The following KIAA1671 variants were observed in gnomAD, a reference collection of about 807,000 sequenced individuals.
The protein encoded by KIAA1671 is KIAA1671.
In KIAA1671, 52 loss-of-function variants were observed where a neutral mutation model predicts 131.2. The ratio of observed to expected loss-of-function variants is 0.40; its 90% CI spans 0.32 to 0.50. The LOEUF is 0.50. Among genes scored for constraint, KIAA1671 ranks in the 20% least tolerant of loss-of-function variants. The pLI, the probability that KIAA1671 is intolerant of heterozygous loss-of-function variation, is 0.73. For missense variants in KIAA1671, 2,360 were observed against 2,364.2 expected, an observed-to-expected ratio of 1.00 and a Z score of 0.04; for synonymous variants, 1,003 against 961.6, an observed-to-expected ratio of 1.04 and a Z score of -0.80.
In KIAA1671 at chr22:25,026,554, A is replaced by C. The variant is rs1391393876; in HGVS notation, c.-56+770A>C. ...GAGACCAGCCTGGCCAACATGGAGA[A>C]ACCCCACCTCTACTAAAACCACAAA... On this transcript the variant is annotated intron_variant, in intron 2 of 12. Coordinates refer to ENST00000358431, the MANE Select transcript of KIAA1671 (RefSeq NM_001145206.2). Among the ~76,000 whole-genome samples the C allele has an allele frequency of 5.9e-5, 9 of 152,220 alleles. 1 individual carries two copies. The highest frequency in any genetic ancestry group is 2.2e-4 in the African/African-American group (9 of 41,548).
chr22:25,137,213 G>A (rs1932715206), intron 6 of KIAA1671, among the ~76,000 whole-genome samples: 1 of 152,180 alleles, frequency 6.6e-6, no homozygotes, highest in Non-Finnish European at 1.5e-5. Context: ...CTGACTTTCT[G>A]ATTTCATCTT....
Position 25,174,395 on chromosome 22 carries a change from C to G in KIAA1671, c.4805C>G (p.Ser1602Cys), listed in dbSNP as rs1226329928. 6.4e-7 allele frequency: 1 copy of G among 1,551,912 alleles called. No individual in the cohort carries two copies. Among genetic ancestry groups the G allele is most frequent in the Non-Finnish European group, 8.7e-7 (1 of 1,147,018 alleles). ...RDQRSTSVDH[S>C]STDLESTDGM... Reference sequence around the variant, plus strand: ...CAGCGGAGCACCAGCGTGGACCACTCCAGCACTGACCTGGAATCCACCGAT... The same window carrying G: ...CAGCGGAGCACCAGCGTGGACCACTGCAGCACTGACCTGGAATCCACCGAT... The change falls in exon 8 of 13, where the codon TCC becomes TGC. Residue 1602 changes from serine (S) to cysteine (C), a missense_variant. Physicochemically the swap from Ser to Cys is moderately radical, Grantham distance 112. Around this residue, in one of 3 missense-constraint regions of KIAA1671, gnomAD observed 1,161 missense variants for 1,204.7 expected, o/e 0.96. Coordinates refer to ENST00000358431, the MANE Select transcript of KIAA1671 (RefSeq NM_001145206.2).
intron 1 of KIAA1671, among the ~76,000 whole-genome samples, chr22:24,955,958 G>A (rs1286263088): frequency 6.6e-6 from 1 of 150,794 alleles, no homozygotes; most frequent in Non-Finnish European, 1.5e-5. Context: ...CGGGGAGGCG[G>A]AGCTTGCAGT....
rs767198331 is a variant in KIAA1671, at chr22:25,197,185, C to T, written c.*4784C>T. Reference sequence around the variant, plus strand: ...CACTTTATCCAGTCCCAGAAAGAATCTCTAACCGTGTGACTGAGAAGTCAT... The same window carrying T: ...CACTTTATCCAGTCCCAGAAAGAATTTCTAACCGTGTGACTGAGAAGTCAT... On this transcript the variant is annotated 3_prime_UTR_variant, in exon 13 of 13. Transcript: ENST00000358431. 3 of 152,194 alleles carry T rather than the reference C, an allele frequency of 2.0e-5. No homozygotes were observed. The highest frequency in any genetic ancestry group is 2.9e-5 in the Non-Finnish European group (2 of 68,040). The allele number at this position is 152,194 out of a possible 1,614,324, so 9.4% of individuals were successfully genotyped here.
chr22:25,084,284 G>A (rs1379537463), intron 6 of KIAA1671, among the ~76,000 whole-genome samples: 1 of 152,020 alleles, frequency 6.6e-6, no homozygotes, highest in African/African-American at 2.4e-5. Context: ...GAAACCACCT[G>A]GCCAACATGG....
intron 1 of KIAA1671, among the ~76,000 whole-genome samples, chr22:24,959,426 G>A (rs980734032): frequency 1.3e-5 from 2 of 152,078 alleles, no homozygotes; most frequent in African/African-American, 4.8e-5. Flanking sequence ...AGGAGGCTGA[G>A]GCATGAGAAT....
chr22:24,963,583 G>A (rs910480088), intron 1 of KIAA1671, among the ~76,000 whole-genome samples: 1 of 151,984 alleles, frequency 6.6e-6, no homozygotes, highest in Non-Finnish European at 1.5e-5. Flanking sequence ...GTCATTGGTG[G>A]TGAGAAACGG....
At chr22:24,986,200 A>G (rs1923523210) in intron 1 of KIAA1671, among the ~76,000 whole-genome samples, 1 of 151,848 alleles carries the variant, frequency 6.6e-6, no homozygotes, top group Admixed American at 6.6e-5. Flanking sequence ...CTGGTTTGTG[A>G]CTCTGGAGGG....
chr22:24,981,062 CTGTG>C lies in KIAA1671; in HGVS notation c.-208+28314_-208+28317del, dbSNP rs35906863. Among the ~76,000 whole-genome samples, 533 of 148,876 alleles carry C rather than the reference CTGTG, an allele frequency of 3.6e-3. 4 individuals are homozygous for C. The highest frequency in any genetic ancestry group is 0.012 in the African/African-American group (481 of 40,540). ...ATGCCCGGCCAACACTTGTTATTTTCTGTGTGTGTGTGTGTGTGTGTGTGTGTTT... is the reference window on the plus strand; with the variant it reads ...ATGCCCGGCCAACACTTGTTATTTTCTGTGTGTGTGTGTGTGTGTGTGTTT... On this transcript the variant is annotated intron_variant, in intron 1 of 12. Coordinates refer to ENST00000358431, the MANE Select transcript of KIAA1671 (RefSeq NM_001145206.2).
chr22:25,104,323 G>A (rs1441366437), intron 6 of KIAA1671, among the ~76,000 whole-genome samples: 1 of 152,150 alleles, frequency 6.6e-6, no homozygotes, highest in Non-Finnish European at 1.5e-5. Context: ...CTTAGTCTAG[G>A]ATGCACAGTC....
intron 1 of KIAA1671, among the ~76,000 whole-genome samples, chr22:24,971,906 G>A (rs981331793): frequency 2.0e-5 from 3 of 152,136 alleles, no homozygotes; most frequent in Non-Finnish European, 4.4e-5. Context: ...TGAACTTGGG[G>A]GTTTCATGTT....
At position 25,039,642 on chromosome 22, in the gene KIAA1671, A is replaced by T. The variant is rs1926804200; in HGVS notation, c.2512A>T (p.Ser838Cys). 2 of 1,546,346 alleles carry T rather than the reference A, an allele frequency of 1.3e-6. No individual in the cohort carries two copies. The highest frequency in any genetic ancestry group is 2.7e-5 in the African/African-American group (2 of 73,114). Residue 838 changes from serine to cysteine, a missense_variant, in exon 5 of 13, where the codon AGC (serine) becomes TGC (cysteine). By Grantham distance (112) the Ser-to-Cys change is moderately radical. This residue lies in a region of KIAA1671 where 1,185 missense variants were observed against 1,126.2 expected (regional missense o/e 1.05). Transcript: ENST00000358431. ...CTCGCACAAAGCCACCGTGGCAGTC[A>T]GCGAAGAGCACTGTGCTCCCGGGGC... is the stretch of plus-strand genomic sequence containing the variant. ...VSSHKATVAVSEEHCAPGATS... is the reference protein window; with the variant it reads ...VSSHKATVAVCEEHCAPGATS...
chr22:25,028,805 C>T lies in KIAA1671; in HGVS notation c.806C>T (p.Pro269Leu). 1 of 1,551,152 alleles carries T rather than the reference C, an allele frequency of 6.4e-7. No individual in the cohort carries two copies. The change falls in exon 3 of 13, where the codon CCC becomes CTC. Residue 269 changes from proline (P) to leucine (L), a missense_variant. By Grantham distance (98) the Pro-to-Leu change is moderately conservative. Transcript: ENST00000358431. ...GCGGCCACAGTGGGCAAAGTGCCAC[C>T]CACCCCTCCCGAGAAGACGTGGGTG... Reference protein sequence around the residue: ...GAAATVGKVPPTPPEKTWVRK... With the variant: ...GAAATVGKVPLTPPEKTWVRK...
intron 1 of KIAA1671, among the ~76,000 whole-genome samples, chr22:25,009,343 C>T (rs1264291707): frequency 7.2e-6 from 1 of 139,118 alleles, no homozygotes; most frequent in Admixed American, 7.8e-5. Flanking sequence ...TGGCTCACTG[C>T]AACCTCTGCC....
chr22:25,093,284 C>T (rs1930111624), intron 6 of KIAA1671, among the ~76,000 whole-genome samples: 1 of 152,162 alleles, frequency 6.6e-6, no homozygotes, highest in South Asian at 2.1e-4. Context: ...CTATGCTTCA[C>T]AGCCTAGGAA....
At chr22:25,049,198 G>C in intron 5 of KIAA1671, 32 bp from the exon 6 acceptor site, 1 of 1,542,154 alleles carries the variant, frequency 6.5e-7, no homozygotes, top group Non-Finnish European at 8.8e-7. Flanking sequence ...AAGGCTCCCA[G>C]TAAAGTCCTT....
intron 4 of KIAA1671, among the ~76,000 whole-genome samples, 192 bp from the exon 5 acceptor site, chr22:25,038,568 G>C (rs1926738770): frequency 6.6e-6 from 1 of 152,198 alleles, no homozygotes; most frequent in Non-Finnish European, 1.5e-5. Flanking sequence ...GTTCATTTAT[G>C]TTCTCTCCAA....
chr22:25,084,457 CAAA>C (rs36090380), intron 6 of KIAA1671, among the ~76,000 whole-genome samples: 126 of 128,438 alleles, frequency 9.8e-4, no homozygotes, highest in Middle Eastern at 4.1e-3. Flanking sequence ...GACTCTATCT[CAAA>C]AAAAAAAAAA....
intron 6 of KIAA1671, among the ~76,000 whole-genome samples, chr22:25,136,598 A>G (rs538203560): frequency 1.5e-3 from 227 of 152,190 alleles, no homozygotes; most frequent in Non-Finnish European, 2.4e-3. Context: ...TTTTGCCTCC[A>G]TTTGTCCCAT....
Sources: gnomAD v4.1 joint callset for allele counts (sites outside exome capture counted in the v4.1 genomes callset) on GRCh38, gnomAD v4.1.1 for gene constraint, gnomAD v4.1.1 regional missense constraint, MANE v1.5 for transcripts, NCBI Gene and HGNC (gene_info 2026-07-23, HGNC 2026-07-21) for gene names.